Variants in PTPN14 observed in about 807,000 individuals in gnomAD.
PTPN14 encodes the protein protein tyrosine phosphatase non-receptor type 14.
A neutral mutation model predicts 126.8 loss-of-function variants in PTPN14; 53 were observed. The observed-to-expected ratio is 0.42, with a 90% CI of 0.34 to 0.53. The LOEUF (loss-of-function observed/expected upper bound fraction) is 0.53, where lower values mean the gene tolerates loss of function less well. Among genes scored for constraint, PTPN14 ranks in the 20% least tolerant of loss-of-function variants. The pLI is 0.08. For synonymous variants in PTPN14, 630 were observed against 599.3 expected, an observed-to-expected ratio of 1.05 and a Z score of -0.75; for missense variants, 1,257 against 1,552.9, an observed-to-expected ratio of 0.81 and a Z score of 3.20.
intron 1 of PTPN14, among the ~76,000 whole-genome samples, chr1:214,534,712 C>CAATA (rs138500520): frequency 0.023 from 3,288 of 141,662 alleles, 85 homozygotes; most frequent in African/African-American, 0.061. Context: ...GACTCCTTCT[C>CAATA]AATAAATAAA....
chr1:214,358,975 C>T lies in PTPN14; in HGVS notation c.3436-925G>A, dbSNP rs140261155. ...GCCAGGGTGGTCTTGAACTCCTGAC[C>T]TCTGGTGATCCGCCCACTTAGGCCT... On this transcript the variant is annotated intron_variant, in intron 18 of 18. Transcript: ENST00000366956. Among the ~76,000 whole-genome samples the T allele has an allele frequency of 4.5e-3, 686 of 152,108 alleles. 8 individuals carry two copies. Among genetic ancestry groups the T allele is most frequent in the African/African-American group, 0.016 (652 of 41,486 alleles).
chr1:214,432,811 G>T (rs554070434), intron 3 of PTPN14, among the ~76,000 whole-genome samples: 1 of 152,296 alleles, frequency 6.6e-6, no homozygotes, highest in South Asian at 2.1e-4. Context: ...CATAAACACT[G>T]AGAGGGAGCA....
intron 1 of PTPN14, chr1:214,528,300 T>C (rs894873925): frequency 1.1e-4 from 17 of 152,174 alleles, no homozygotes; most frequent in African/African-American, 4.1e-4. Flanking sequence ...GTATTTTATT[T>C]ATAGTAGCCA....
intron 1 of PTPN14, among the ~76,000 whole-genome samples, chr1:214,542,399 A>G (rs1655860996): frequency 6.6e-6 from 1 of 152,154 alleles, no homozygotes; most frequent in Non-Finnish European, 1.5e-5. Context: ...TGTCTGTCAT[A>G]ATGACGCGGG....
chr1:214,454,062 A>AT (rs1660330295), intron 2 of PTPN14, among the ~76,000 whole-genome samples: 1 of 152,208 alleles, frequency 6.6e-6, no homozygotes. Flanking sequence ...ACAGGGCTGT[A>AT]TGAGGGTATT....
At chr1:214,417,419 C>G (rs1421193500) in intron 3 of PTPN14, among the ~76,000 whole-genome samples, 1 of 152,172 alleles carries the variant, frequency 6.6e-6, no homozygotes, top group Non-Finnish European at 1.5e-5. Flanking sequence ...AGAATCTCCT[C>G]ATCCGATGGT....
At chr1:214,493,506 T>A (rs984920085) in intron 1 of PTPN14, among the ~76,000 whole-genome samples, 1 of 152,052 alleles carries the variant, frequency 6.6e-6, no homozygotes, top group Non-Finnish European at 1.5e-5. Flanking sequence ...CATAAGTATA[T>A]ATACTTACTA....
At chr1:214,388,100 A>C (rs1254230728) in intron 11 of PTPN14, among the ~76,000 whole-genome samples, 5 of 152,178 alleles carry the variant, frequency 3.3e-5, no homozygotes, top group African/African-American at 1.2e-4. Context: ...TTCAGAGAAA[A>C]AAACAAAACA....
At chr1:214,490,654 T>G (rs1385549910) in intron 1 of PTPN14, among the ~76,000 whole-genome samples, 1 of 151,652 alleles carries the variant, frequency 6.6e-6, no homozygotes, top group Non-Finnish European at 1.5e-5. Context: ...CTAGCCAACA[T>G]GGTGAAACCC....
chr1:214,509,829 T>C (rs993328934), intron 1 of PTPN14, among the ~76,000 whole-genome samples: 13 of 152,210 alleles, frequency 8.5e-5, no homozygotes, highest in Non-Finnish European at 1.8e-4. Flanking sequence ...TGAGTTCACG[T>C]CCTTTGTAGG....
intron 14 of PTPN14, among the ~76,000 whole-genome samples, chr1:214,376,734 GTTAATC>G (rs1658351299): frequency 1.3e-5 from 2 of 152,180 alleles, no homozygotes; most frequent in South Asian, 4.1e-4. Flanking sequence ...TAAAGAGACT[GTTAATC>G]TTAATTATCC....
intron 1 of PTPN14, among the ~76,000 whole-genome samples, chr1:214,505,513 T>C (rs1407255366): frequency 1.3e-5 from 2 of 152,144 alleles, no homozygotes; most frequent in Non-Finnish European, 2.9e-5. Flanking sequence ...TGTAAGGAGC[T>C]GAGGACGGAA....
intron 15 of PTPN14, among the ~76,000 whole-genome samples, chr1:214,375,867 TG>T (rs1340402015): frequency 2.0e-5 from 3 of 152,246 alleles, no homozygotes; most frequent in Non-Finnish European, 4.4e-5. Context: ...ACGCAATACC[TG>T]TAACTTCCAA....
chr1:214,454,854 G>T (rs1053467768), intron 2 of PTPN14, among the ~76,000 whole-genome samples: 2 of 152,138 alleles, frequency 1.3e-5, no homozygotes, highest in African/African-American at 4.8e-5. Flanking sequence ...GGGCAGAATT[G>T]GGGGAGGCAG....
chr1:214,440,993 G>C (rs1040222208), intron 3 of PTPN14, among the ~76,000 whole-genome samples: 1 of 152,102 alleles, frequency 6.6e-6, no homozygotes, highest in Non-Finnish European at 1.5e-5. Context: ...CAGCCCTCTG[G>C]ATTTCTTTGT....
intron 3 of PTPN14, among the ~76,000 whole-genome samples, chr1:214,416,370 T>C (rs1023823293): frequency 6.6e-6 from 1 of 152,236 alleles, no homozygotes; most frequent in Non-Finnish European, 1.5e-5. Context: ...GCTAAGATTA[T>C]TTATTAGAGA....
At position 214,357,842 on chromosome 1, in the gene PTPN14, G is replaced by A. The variant is rs1657859641; in HGVS notation, c.*80C>T. ...TGCCAGCCACCTGCACCCCTGTGGGGGGAGCAGATGTTGTCTGGAGGTGAC... is the reference window on the plus strand; with the variant it reads ...TGCCAGCCACCTGCACCCCTGTGGGAGGAGCAGATGTTGTCTGGAGGTGAC... On this transcript the variant is annotated 3_prime_UTR_variant, in exon 19 of 19. Coordinates refer to ENST00000366956, the MANE Select transcript of PTPN14 (RefSeq NM_005401.5). 9.5e-6 allele frequency: 13 copies of A among 1,361,552 alleles called. No homozygotes were observed. The East Asian group carries it at 1.4e-4, about 15-fold the overall frequency. The allele number at this position is 1,361,552 out of a possible 1,614,324, so 84.3% of individuals were successfully genotyped here. A position where few individuals can be genotyped will look rare whatever the true frequency, so the allele number is the denominator to read the frequency against.
intron 7 of PTPN14, among the ~76,000 whole-genome samples, chr1:214,400,997 G>T (rs1217500155): frequency 6.6e-6 from 1 of 152,182 alleles, no homozygotes; most frequent in South Asian, 2.1e-4. Context: ...AAATGTGCCA[G>T]TTGCTTTAGG....
intron 1 of PTPN14, among the ~76,000 whole-genome samples, chr1:214,527,099 G>GAA (rs111756250): frequency 3.9e-5 from 5 of 127,880 alleles, no homozygotes; most frequent in African/African-American, 8.5e-5. Flanking sequence ...CTCCAAAAAA[G>GAA]AAAAAAAAAA....
Sources: allele counts gnomAD v4.1 joint callset (sites outside exome capture counted in the v4.1 genomes callset), GRCh38; gene constraint gnomAD v4.1.1; transcripts MANE v1.5; gene names NCBI Gene and HGNC (gene_info 2026-07-23, HGNC 2026-07-21).